Variants in MAP3K7CL observed in about 807,000 individuals in gnomAD.
The protein encoded by MAP3K7CL is MAP3K7 C-terminal-like protein.
Under a neutral mutation model 18.6 loss-of-function variants are expected in MAP3K7CL, and 16 were observed. The ratio of observed to expected loss-of-function variants is 0.86; its 90% CI spans 0.58 to 1.31. The LOEUF (loss-of-function observed/expected upper bound fraction) is 1.31, where lower values mean the gene tolerates loss of function less well. Ranked by LOEUF, MAP3K7CL falls within the 50% of genes most tolerant of loss-of-function variation. MAP3K7CL has a pLI of 0.00. For synonymous variants in MAP3K7CL, 65 were observed against 66.8 expected, an observed-to-expected ratio of 0.97 and a Z score of 0.13; for missense variants, 163 against 174.4, an observed-to-expected ratio of 0.93 and a Z score of 0.37.
chr21:29,139,094 C>T (rs2086946440), intron 2 of MAP3K7CL, among the ~76,000 whole-genome samples: 1 of 152,144 alleles, frequency 6.6e-6, no homozygotes, highest in African/African-American at 2.4e-5. Context: ...TTAAATAATA[C>T]AGTTTTCTCC....
At chr21:29,138,683 T>C (rs115962836) in intron 2 of MAP3K7CL, among the ~76,000 whole-genome samples, 4,670 of 152,278 alleles carry the variant, frequency 0.031, 257 homozygotes, top group African/African-American at 0.11. Context: ...AATATTTTGT[T>C]TTTAAAAATT....
intron 4 of MAP3K7CL, among the ~76,000 whole-genome samples, chr21:29,171,825 A>AACAAC (rs1390254815): frequency 6.6e-6 from 1 of 151,430 alleles, no homozygotes; most frequent in African/African-American, 2.4e-5. Flanking sequence ...AAAAAAAAAA[A>AACAAC]AAAACAACAC....
intron 4 of MAP3K7CL, among the ~76,000 whole-genome samples, chr21:29,124,353 C>CAAAA (rs59499297): frequency 2.9e-4 from 23 of 78,574 alleles, no homozygotes; most frequent in African/African-American, 3.9e-4. Context: ...GACTCCGTCT[C>CAAAA]AAAAAAAAAA....
intron 4 of MAP3K7CL, among the ~76,000 whole-genome samples, chr21:29,170,062 C>T (rs1187103736): frequency 6.6e-6 from 1 of 152,188 alleles, no homozygotes; most frequent in Non-Finnish European, 1.5e-5. Context: ...ACATTCTAGC[C>T]TATAATACAT....
chr21:29,136,762 C>T (rs951270754), intron 2 of MAP3K7CL, among the ~76,000 whole-genome samples: 4 of 152,140 alleles, frequency 2.6e-5, no homozygotes, highest in African/African-American at 4.8e-5. Flanking sequence ...CTCAAGCAAT[C>T]GGCCCGCCTC....
Position 29,085,957 on chromosome 21 carries a change from C to T in MAP3K7CL, c.57+40C>T, listed in dbSNP as rs1284769500. ...CCCCAACCCCTTCCTGTAAAACTGTCGACTATAATCCTGTTTTCAGTGAAA... is the reference window on the plus strand; with the variant it reads ...CCCCAACCCCTTCCTGTAAAACTGTTGACTATAATCCTGTTTTCAGTGAAA... On this transcript the variant is annotated intron_variant, in intron 1 of 6. Coordinates refer to the MAP3K7CL transcript ENST00000286791. 12 of 1,605,390 alleles carry T rather than the reference C, an allele frequency of 7.5e-6. No individual in the cohort carries two copies. The Middle Eastern group carries it at 4.9e-4, about 66-fold the overall frequency.
At chr21:29,124,379 AAC>A (rs1475543716) in intron 4 of MAP3K7CL, among the ~76,000 whole-genome samples, 1 of 140,002 alleles carries the variant, frequency 7.1e-6, no homozygotes, top group Non-Finnish European at 1.6e-5. Context: ...AAAAAAAAAG[AAC>A]ACATGTGTCA....
intron 3 of MAP3K7CL, among the ~76,000 whole-genome samples, chr21:29,157,469 G>A (rs2087435087): frequency 6.6e-6 from 1 of 152,178 alleles, no homozygotes; most frequent in African/African-American, 2.4e-5. Flanking sequence ...AGGATCCAGA[G>A]GCTGAAGTGA....
chr21:29,092,514 C>A (rs140309444), exon 4 of MAP3K7CL: 2 of 1,614,080 alleles, frequency 1.2e-6, no homozygotes, highest in Non-Finnish European at 1.7e-6. Flanking sequence ...TGGCTACTGG[C>A]GATTGGATGC....
At chr21:29,112,461 A>T (rs2183568) in intron 4 of MAP3K7CL, among the ~76,000 whole-genome samples, 106,881 of 150,754 alleles carry the variant, frequency 0.71, 39,332 homozygotes, top group African/African-American at 0.93. Context: ...AGGATTTTTT[A>T]AAAAACCCAC....
At chr21:29,160,264 T>A (rs1026033297) in intron 4 of MAP3K7CL, among the ~76,000 whole-genome samples, 11 of 152,232 alleles carry the variant, frequency 7.2e-5, no homozygotes, top group Non-Finnish European at 1.2e-4. Flanking sequence ...CTTAATTTTT[T>A]AAATAAGACA....
Position 29,145,976 on chromosome 21 carries a change from C to T in MAP3K7CL, c.71-3213C>T, listed in dbSNP as rs76395667. ...GACATGGCGTGACTATAAATAAGGA[C>T]GTCGATTTCCACAACGGGCCTCATT... On this transcript the variant is annotated intron_variant, in intron 2 of 4. Coordinates refer to ENST00000399928, the MANE Select transcript of MAP3K7CL (RefSeq NM_001286620.2). 6.1e-4 allele frequency among the ~76,000 whole-genome samples: 93 copies of T among 152,036 alleles called. No individual in the cohort carries two copies. The East Asian group carries it at 0.015, about 25-fold the overall frequency.
At chr21:29,155,155 G>A (rs955264154) in intron 3 of MAP3K7CL, among the ~76,000 whole-genome samples, 2 of 152,080 alleles carry the variant, frequency 1.3e-5, no homozygotes, top group African/African-American at 4.8e-5. Context: ...AAATCAGCAT[G>A]GACTGTGTTT....
intron 4 of MAP3K7CL, among the ~76,000 whole-genome samples, chr21:29,100,649 T>C (rs2086210982): frequency 6.6e-6 from 1 of 151,962 alleles, no homozygotes; most frequent in South Asian, 2.1e-4. Context: ...GTAGTAGTTA[T>C]CTATTACGGT....
At chr21:29,140,704 A>C (rs188494530) in intron 2 of MAP3K7CL, among the ~76,000 whole-genome samples, 3 of 152,362 alleles carry the variant, frequency 2.0e-5, no homozygotes, top group Admixed American at 6.5e-5. Context: ...GTGGTAGGAA[A>C]GAAGAAAAGA....
chr21:29,167,658 A>G (rs2087721926), intron 4 of MAP3K7CL, among the ~76,000 whole-genome samples: 1 of 150,790 alleles, frequency 6.6e-6, no homozygotes, highest in Non-Finnish European at 1.5e-5. Context: ...GGTGTCAGGC[A>G]GGGGACTGTA....
At position 29,171,613 on chromosome 21, in the gene MAP3K7CL, G is replaced by A. The variant is rs1436058481; in HGVS notation, c.249-3099G>A. ...GGAGGATCACCTGAGGTCAGGACCA[G>A]CTTAGTCAACATGGTGAAACCCCAT... On this transcript the variant is annotated intron_variant, in intron 4 of 4. Transcript: ENST00000399928. Among the ~76,000 whole-genome samples, 7 of 152,136 alleles carry A rather than the reference G, an allele frequency of 4.6e-5. No individual in the cohort carries two copies. In the East Asian group the frequency reaches 1.4e-3, roughly 29 times the overall value.
chr21:29,151,895 A>G (rs2087284460), intron 3 of MAP3K7CL, among the ~76,000 whole-genome samples: 1 of 152,236 alleles, frequency 6.6e-6, no homozygotes, highest in Admixed American at 6.5e-5. Flanking sequence ...AATTAAGTCT[A>G]TTTAATTATT....
chr21:29,140,003 A>G (rs1468761657), intron 2 of MAP3K7CL, among the ~76,000 whole-genome samples: 1 of 148,326 alleles, frequency 6.7e-6, no homozygotes, highest in Non-Finnish European at 1.5e-5. Flanking sequence ...AGGTATTTGC[A>G]GGAAACTGAG....
Sources: allele counts gnomAD v4.1 joint callset (sites outside exome capture counted in the v4.1 genomes callset), GRCh38; gene constraint gnomAD v4.1.1; transcripts MANE v1.5; gene names NCBI Gene and HGNC (gene_info 2026-07-23, HGNC 2026-07-21).